Variants in SV2C observed in about 807,000 individuals in gnomAD.
SV2C encodes the protein solute carrier family 22 member B3.
Under a neutral mutation model 79.7 loss-of-function variants are expected in SV2C, and 49 were observed. The observed-to-expected ratio is 0.61, with a 90% CI of 0.49 to 0.78. The LOEUF is 0.78. Ranked by LOEUF, SV2C falls within the 30% of genes least tolerant of loss-of-function variation. SV2C has a pLI of 0.00. For synonymous variants in SV2C, 334 were observed against 333.2 expected (o/e 1.00, Z -0.03); for missense variants, 833 against 912.9 (o/e 0.91, Z 1.13).
At chr5:75,904,157 T>C in the SV2C span, among the ~76,000 whole-genome samples, 9 of 152,042 alleles carry the variant, frequency 5.9e-5, no homozygotes, top group African/African-American at 2.2e-4. Flanking sequence ...GTTTGGTGGG[T>C]TTTTAGGTTA....
At chr5:75,887,420 T>A in the SV2C span, among the ~76,000 whole-genome samples, 1 of 151,824 alleles carries the variant, frequency 6.6e-6, no homozygotes, top group Non-Finnish European at 1.5e-5. Flanking sequence ...TGAGCTCAAC[T>A]TTTTTAGATT....
At chr5:76,141,419 A>G (rs1225243714) in intron 2 of SV2C, among the ~76,000 whole-genome samples, 1 of 152,182 alleles carries the variant, frequency 6.6e-6, no homozygotes, top group Non-Finnish European at 1.5e-5. Flanking sequence ...TAACGCTGAG[A>G]GCACTGGCCT....
At chr5:76,093,555 A>G (rs904447029) in intron 1 of SV2C, among the ~76,000 whole-genome samples, 1 of 152,170 alleles carries the variant, frequency 6.6e-6, no homozygotes, top group Admixed American at 6.5e-5. Flanking sequence ...AGAATTTCAC[A>G]AAACTGTTCT....
the SV2C span, among the ~76,000 whole-genome samples, chr5:75,998,594 C>G: frequency 1.3e-5 from 2 of 151,886 alleles, no homozygotes; most frequent in African/African-American, 4.8e-5. Flanking sequence ...CCTTACTCTT[C>G]AGAACATGAT....
chr5:76,239,640 A>T (rs1389040769), intron 4 of SV2C, among the ~76,000 whole-genome samples: 1 of 152,174 alleles, frequency 6.6e-6, no homozygotes, highest in Admixed American at 6.5e-5. Context: ...GTTCATCTCC[A>T]CATGAGCCTC....
At chr5:75,901,923 T>C in the SV2C span, among the ~76,000 whole-genome samples, 1 of 151,944 alleles carries the variant, frequency 6.6e-6, no homozygotes, top group Admixed American at 6.6e-5. Flanking sequence ...TGGTGCGCCA[T>C]TTTTTAAGCC....
the SV2C span, among the ~76,000 whole-genome samples, chr5:75,976,504 T>C: frequency 6.6e-6 from 1 of 151,966 alleles, no homozygotes; most frequent in African/African-American, 2.4e-5. Context: ...TGCATAACAA[T>C]AACAGGCTTT....
chr5:75,902,109 G>A, the SV2C span, among the ~76,000 whole-genome samples: 1,014 of 149,960 alleles, frequency 6.8e-3, 3 homozygotes, highest in African/African-American at 0.01. Context: ...CCTGTGCCCA[G>A]TGTCTGGCAC....
intron 1 of SV2C, among the ~76,000 whole-genome samples, chr5:76,120,778 T>C (rs1354429827): frequency 6.7e-6 from 1 of 150,356 alleles, no homozygotes; most frequent in African/African-American, 2.5e-5. Flanking sequence ...CATTGGACAT[T>C]TGGGTTGGTT....
intron 4 of SV2C, among the ~76,000 whole-genome samples, chr5:76,221,074 T>G (rs1202994279): frequency 2.0e-5 from 3 of 152,224 alleles, no homozygotes; most frequent in Admixed American, 2.0e-4. Flanking sequence ...ATTCTTACTC[T>G]GGAAAATCTT....
the SV2C span, among the ~76,000 whole-genome samples, chr5:75,900,055 T>G: frequency 6.6e-6 from 1 of 152,198 alleles, no homozygotes; most frequent in East Asian, 1.9e-4. Flanking sequence ...GAGCATTTAT[T>G]CCATTTACAT....
At chr5:76,008,823 C>A in the SV2C span, among the ~76,000 whole-genome samples, 1 of 152,132 alleles carries the variant, frequency 6.6e-6, no homozygotes, top group African/African-American at 2.4e-5. Flanking sequence ...AAGTCAATGT[C>A]CTGAGGATGG....
chr5:76,063,679 AT>A, the SV2C span, among the ~76,000 whole-genome samples: 1 of 152,138 alleles, frequency 6.6e-6, no homozygotes, highest in African/African-American at 2.4e-5. Context: ...CATTTAATAG[AT>A]TCCTTTTCCA....
At chr5:76,136,247 T>G (rs1333182561) in intron 2 of SV2C, among the ~76,000 whole-genome samples, 2 of 152,192 alleles carry the variant, frequency 1.3e-5, no homozygotes, top group Non-Finnish European at 2.9e-5. Flanking sequence ...TACCCCTAAT[T>G]CCCGTATGCA....
At chr5:76,345,893 A>C (rs891477915) in intron 12 of SV2C, among the ~76,000 whole-genome samples, 1 of 152,110 alleles carries the variant, frequency 6.6e-6, no homozygotes, top group Non-Finnish European at 1.5e-5. Flanking sequence ...GCACCCCTCC[A>C]TCACCCTCAA....
At chr5:75,923,973 C>T in the SV2C span, among the ~76,000 whole-genome samples, 6 of 152,216 alleles carry the variant, frequency 3.9e-5, no homozygotes, top group African/African-American at 1.4e-4. Context: ...TTTATAGCAA[C>T]ACATTTCACA....
chr5:76,023,412 T>G, the SV2C span, among the ~76,000 whole-genome samples: 1 of 152,142 alleles, frequency 6.6e-6, no homozygotes, highest in Non-Finnish European at 1.5e-5. Flanking sequence ...TCAATGGTAT[T>G]TGATCCAAGA....
chr5:76,286,560 GA>G (rs1477298232), intron 6 of SV2C: 3 of 152,038 alleles, frequency 2.0e-5, no homozygotes, highest in Non-Finnish European at 2.9e-5. Context: ...TAATAAGTGA[GA>G]AAACAATTAT....
At position 76,347,781 on chromosome 5, in the gene SV2C, G is replaced by T. The variant is rs551570876; in HGVS notation, c.2001-5349G>T. Among the ~76,000 whole-genome samples, 122 of 152,256 alleles carry T rather than the reference G, an allele frequency of 8.0e-4. 1 individual carries two copies. In the South Asian group the frequency reaches 0.019, roughly 24 times the overall value. ...TTAATAGACTTTATATTTTAGAACG[G>T]TTTTAGGCTCATAGTGAAATTGAGC... On this transcript the variant is annotated intron_variant, in intron 12 of 12. Transcript: ENST00000322285.
Sources: gnomAD v4.1 joint callset for allele counts (sites outside exome capture counted in the v4.1 genomes callset) on GRCh38, gnomAD v4.1.1 for gene constraint, MANE v1.5 for transcripts, NCBI Gene and HGNC (gene_info 2026-07-23, HGNC 2026-07-21) for gene names.